The following CENPC variants were observed in gnomAD, a reference collection of about 807,000 sequenced individuals.
CENPC encodes CENP-C 1.
In CENPC, 63 loss-of-function variants were observed where a neutral mutation model predicts 112.1. The observed-to-expected ratio is 0.56, with a 90% CI of 0.46 to 0.69. The LOEUF is 0.69. CENPC is among the 30% of genes least tolerant of loss of function. CENPC has a pLI of 0.00. For synonymous variants in CENPC, 333 were observed against 367.6 expected (o/e 0.91, Z 1.08); for missense variants, 1,000 against 1,103.8 (o/e 0.91, Z 1.33).
chr4:67,532,026 A>G (rs1578004887), intron 4 of CENPC, among the ~76,000 whole-genome samples: 1 of 152,244 alleles, frequency 6.6e-6, no homozygotes, highest in African/African-American at 2.4e-5. Flanking sequence ...CAGAATCTAC[A>G]AAGAACTTAA....
intron 5 of CENPC, among the ~76,000 whole-genome samples, chr4:67,525,214 C>A (rs953157749): frequency 1.3e-5 from 2 of 152,158 alleles, no homozygotes; most frequent in African/African-American, 2.4e-5. Flanking sequence ...GACCTAACAT[C>A]ATAAAAACCC....
At chr4:67,524,793 T>C (rs1307682234) in intron 5 of CENPC, among the ~76,000 whole-genome samples, 1 of 152,192 alleles carries the variant, frequency 6.6e-6, no homozygotes, top group Non-Finnish European at 1.5e-5. Flanking sequence ...CCCATCATGC[T>C]ACTATTGACT....
At chr4:67,484,604 C>T (rs1725038534) in intron 17 of CENPC, among the ~76,000 whole-genome samples, 1 of 152,224 alleles carries the variant, frequency 6.6e-6, no homozygotes, top group East Asian at 1.9e-4. Context: ...AATCTAATGC[C>T]AACTCCCACT....
rs574313075 is a variant in CENPC at position 67,506,814 on chromosome 4, C to T, written c.2025G>A (p.Glu675=). 4.4e-6 allele frequency: 7 copies of T among 1,607,960 alleles called. No individual in the cohort carries two copies. The highest frequency in any genetic ancestry group is 1.7e-5 in the Admixed American group (1 of 59,166). ...IPTESNLDSG[E]HKTSVLEESG... ...TTTCCTCTAAAACTGAAGTCTTATG[C>T]TCTCCAGAATCCAAGTTTGACTCTG... Residue 675 remains glutamate (E), a synonymous_variant, in exon 11 of 19, where the codon GAG becomes GAA. Transcript: ENST00000273853.
chr4:67,526,281 C>A (rs1391242233), intron 5 of CENPC, among the ~76,000 whole-genome samples: 1 of 151,712 alleles, frequency 6.6e-6, no homozygotes, highest in Admixed American at 6.6e-5. Flanking sequence ...CACAGGTGTA[C>A]CTATGTAACA....
At chr4:67,494,514 T>C (rs1006925178) in intron 13 of CENPC, among the ~76,000 whole-genome samples, 21 of 152,144 alleles carry the variant, frequency 1.4e-4, no homozygotes, top group African/African-American at 4.6e-4. Context: ...TCTCATCACA[T>C]AGGCCCACAA....
rs766981124 is a variant in CENPC at position 67,519,435 on chromosome 4, C to T, written c.399G>A (p.Ser133=). 16 of 1,610,180 alleles carry T rather than the reference C, an allele frequency of 9.9e-6. No homozygotes were observed. The East Asian group carries it at 1.1e-4, about 11-fold the overall frequency. The part of the protein sequence containing the change: ...TDVSSKNTPD[S]KKISSRNIND... ...TTATGTTTCTACTTGATATTTTTTT[C>T]GAGTCAGGTGTATTTTTGGAACTAA... The change falls in exon 6 of 19, where the codon TCG becomes TCA. Residue 133 remains serine (S), a synonymous_variant. Transcript: ENST00000273853.
At chr4:67,508,513 T>TTA (rs370105417) in intron 10 of CENPC, among the ~76,000 whole-genome samples, 1 of 91,180 alleles carries the variant, frequency 1.1e-5, no homozygotes, top group Non-Finnish European at 2.0e-5. Context: ...CTCTGTCTCT[T>TTA]AAAAAAAAAA....
intron 12 of CENPC, among the ~76,000 whole-genome samples, chr4:67,504,500 G>A (rs1725681677): frequency 6.6e-6 from 1 of 152,072 alleles, no homozygotes; most frequent in Admixed American, 6.6e-5. Context: ...CTATTAAGAG[G>A]CATCTTTAAA....
chr4:67,531,314 A>C (rs1436358271), intron 4 of CENPC, among the ~76,000 whole-genome samples: 2 of 152,202 alleles, frequency 1.3e-5, no homozygotes, highest in Admixed American at 1.3e-4. Context: ...GTACATAACA[A>C]TCTTATCTAT....
intron 12 of CENPC, among the ~76,000 whole-genome samples, chr4:67,504,809 G>A (rs1208735297): frequency 4.6e-5 from 7 of 151,736 alleles, no homozygotes; most frequent in Non-Finnish European, 5.9e-5. Flanking sequence ...GAGACAGAGC[G>A]AGACTCCGTC....
intron 12 of CENPC, among the ~76,000 whole-genome samples, chr4:67,499,604 G>C (rs1035988202): frequency 6.6e-6 from 1 of 152,182 alleles, no homozygotes; most frequent in African/African-American, 2.4e-5. Context: ...GAATGCTGTG[G>C]CTTGTTTAAT....
At chr4:67,480,191 T>G (rs1339984345) in intron 17 of CENPC, among the ~76,000 whole-genome samples, 1 of 152,056 alleles carries the variant, frequency 6.6e-6, no homozygotes, top group African/African-American at 2.4e-5. Flanking sequence ...TGGTGGCGCA[T>G]GCCTGTAATC....
At chr4:67,541,760 A>G (rs1465795236) in intron 2 of CENPC, among the ~76,000 whole-genome samples, 2 of 152,198 alleles carry the variant, frequency 1.3e-5, no homozygotes, top group African/African-American at 4.8e-5. Context: ...TAAAACAACC[A>G]GAGTCAAGAT....
At chr4:67,544,732 T>A (rs1726979906) in intron 1 of CENPC, among the ~76,000 whole-genome samples, 1 of 152,200 alleles carries the variant, frequency 6.6e-6, no homozygotes, top group South Asian at 2.1e-4. Context: ...CTTGTACCTT[T>A]TAACTGATAG....
At chr4:67,543,165 T>A (rs1270890791) in intron 2 of CENPC, among the ~76,000 whole-genome samples, 1 of 152,200 alleles carries the variant, frequency 6.6e-6, no homozygotes, top group Non-Finnish European at 1.5e-5. Context: ...AATAGATGCC[T>A]AAAGCCTAAC....
At chr4:67,486,159 T>C (rs996737597) in intron 17 of CENPC, among the ~76,000 whole-genome samples, 3 of 152,206 alleles carry the variant, frequency 2.0e-5, no homozygotes, top group Non-Finnish European at 4.4e-5. Context: ...CCTCTCCTCA[T>C]TTCTGTAAAC....
Position 67,515,481 on chromosome 4 carries a change from AAGAG to A in CENPC, c.831-798_831-795del, listed in dbSNP as rs202062245. ...ACTCCATCTCAGACAGAAAAAAAAA[AAGAG>A]AGAGAGAGAGAGATTGGGGACAATT... On this transcript the variant is annotated intron_variant, in intron 7 of 18. Coordinates refer to ENST00000273853, the MANE Select transcript of CENPC (RefSeq NM_001812.4). Among the ~76,000 whole-genome samples, 98 of 151,272 alleles carry A rather than the reference AAGAG, an allele frequency of 6.5e-4. 1 individual carries two copies. Among genetic ancestry groups the A allele is most frequent in the Non-Finnish European group, 1.0e-3 (69 of 67,798 alleles).
chr4:67,524,567 T>A (rs1332672595), intron 5 of CENPC, among the ~76,000 whole-genome samples: 1 of 152,102 alleles, frequency 6.6e-6, no homozygotes. Flanking sequence ...AAAACATGAA[T>A]GAACTCCCAT....
Sources: allele counts gnomAD v4.1 joint callset (sites outside exome capture counted in the v4.1 genomes callset), GRCh38; gene constraint gnomAD v4.1.1; transcripts MANE v1.5; gene names NCBI Gene and HGNC (gene_info 2026-07-23, HGNC 2026-07-21).